The following DNTTIP2 variants were observed in gnomAD, a reference collection of about 807,000 sequenced individuals.
DNTTIP2 encodes the protein deoxynucleotidyltransferase terminal-interacting protein 2.
DNTTIP2 carries 47 observed loss-of-function variants against 62.4 expected under a neutral mutation model. The observed-to-expected ratio is 0.75, with a 90% confidence interval of 0.60 to 0.96. DNTTIP2 has a LOEUF of 0.96. DNTTIP2 is among the 40% of genes least tolerant of loss of function. DNTTIP2 has a pLI of 0.00. For synonymous variants in DNTTIP2, 322 were observed against 300.9 expected (o/e 1.07, Z -0.73); for missense variants, 870 against 849.1 (o/e 1.02, Z -0.31).
At position 93,876,197 on chromosome 1, in the gene DNTTIP2, A is replaced by C. The variant is rs1043395656; in HGVS notation, c.1667+71T>G. On this transcript the variant is annotated intron_variant, in intron 2 of 6. Coordinates refer to ENST00000436063, the MANE Select transcript of DNTTIP2 (RefSeq NM_014597.5). ...TTCTCATTCCCCAGGCTAACATTTC[A>C]TATTTTTATGGTAAATTAACCACTT... The C allele has an allele frequency of 1.3e-5, 18 of 1,349,442 alleles. No individual in the cohort carries two copies. In the African/African-American group the frequency reaches 2.2e-4, roughly 17 times the overall value. 83.6% of individuals were successfully genotyped at this position (1,349,442 alleles called of 1,614,324 possible).
chr1:93,870,569 A>T, intron 6 of DNTTIP2, 114 bp downstream of exon 6: 1 of 492,700 alleles, frequency 2.0e-6, no homozygotes, highest in Non-Finnish European at 3.5e-6. Flanking sequence ...TATTCATGTT[A>T]ATATGTTATG....
chr1:93,870,586 TATAA>T lies in DNTTIP2; in HGVS notation c.2177+93_2177+96del, dbSNP rs761881995. Reference sequence around the variant, plus strand: ...TTCATGTTAATATGTTATGGGTTATTATAAATGAGTTATTTTTAAATTATTTGAA... The same window carrying T: ...TTCATGTTAATATGTTATGGGTTATTATGAGTTATTTTTAAATTATTTGAA... On this transcript the variant is annotated intron_variant, in intron 6 of 6. Transcript: ENST00000436063. 10 of 595,224 alleles carry T rather than the reference TATAA, an allele frequency of 1.7e-5. No individual in the cohort carries two copies. In the East Asian group the frequency reaches 2.2e-4, roughly 13 times the overall value. 36.9% of individuals were successfully genotyped at this position (595,224 alleles called of 1,614,324 possible). A position where few individuals can be genotyped will look rare whatever the true frequency, so the allele number is the denominator to read the frequency against.
rs1655879044 is a variant in DNTTIP2, at chr1:93,872,189, A to G, written c.1950T>C (p.Ala650=). 1 of 1,613,810 alleles carries G rather than the reference A, an allele frequency of 6.2e-7. No homozygotes were observed. The change falls in exon 5 of 7, where the codon GCT becomes GCC. Residue 650 remains alanine (A), a synonymous_variant. Coordinates refer to ENST00000436063, the MANE Select transcript of DNTTIP2 (RefSeq NM_014597.5). ...TAGDGWFGMK[A]PEMTNELKND... is the part of the protein sequence containing the mutation. ...TTTTCAGTTCATTTGTCATTTCTGG[A>G]GCTTTCATACCAAACCAGCCATCCC... is the stretch of plus-strand genomic sequence containing the variant.
rs1391077412 is a variant in DNTTIP2, at chr1:93,873,208, G to A, written c.1813C>T (p.Gln605Ter). Residue 605 changes from glutamine to a stop codon, truncating the protein, a stop_gained, in exon 4 of 7, where the codon CAG becomes TAG. Transcript: ENST00000436063. LOFTEE classifies it high-confidence loss of function. The part of the protein sequence containing the change: ...IKEKKKNELL[Q>*]KAVITPDFEK... The stretch of plus-strand genomic sequence containing the variant: ...AAATCAGGTGTAATGACGGCTTTCT[G>A]CAGAAGCTATAAAAACATAAAATTG... 2.5e-6 allele frequency: 4 copies of A among 1,607,744 alleles called. No homozygotes were observed. Among genetic ancestry groups the A allele is most frequent in the Non-Finnish European group, 3.4e-6 (4 of 1,175,544 alleles).
At chr1:93,873,308 C>A in intron 3 of DNTTIP2, 94 bp from the exon 4 acceptor site, 3 of 981,442 alleles carry the variant, frequency 3.1e-6, no homozygotes, top group Non-Finnish European at 4.6e-6. Context: ...AATTTTTAGT[C>A]AGCCTGGCAA....
At chr1:93,872,441 T>C (rs1655890858) in intron 4 of DNTTIP2, among the ~76,000 whole-genome samples, 1 of 152,208 alleles carries the variant, frequency 6.6e-6, no homozygotes, top group African/African-American at 2.4e-5. Flanking sequence ...GACAGGATTA[T>C]CAGTTTCATA....
Position 93,869,720 on chromosome 1 carries a change from CA to C in DNTTIP2, c.*130del, listed in dbSNP as rs1321419835. 1.7e-6 allele frequency: 1 copy of C among 594,120 alleles called. No homozygotes were observed. Among genetic ancestry groups the C allele is most frequent in the Non-Finnish European group, 3.1e-6 (1 of 324,894 alleles). 36.8% of individuals were successfully genotyped at this position (594,120 alleles called of 1,614,324 possible). ...AATCGATTCTCAAATCAACTTTTTC[CA>C]AATACAAATTCCTGTATGAACAGGG... On this transcript the variant is annotated 3_prime_UTR_variant, in exon 7 of 7. Coordinates refer to ENST00000436063, the MANE Select transcript of DNTTIP2 (RefSeq NM_014597.5).
intron 1 of DNTTIP2, 142 bp downstream of exon 1, chr1:93,878,935 G>C (rs984556911): frequency 1.9e-6 from 2 of 1,050,448 alleles, no homozygotes; most frequent in African/African-American, 3.2e-5. Flanking sequence ...CTTAGCACGG[G>C]GCCTGGGAGA....
chr1:93,872,230 G>T lies in DNTTIP2; in HGVS notation c.1909C>A (p.Arg637=), dbSNP rs780751546. ...CAGCCATCCCCTGCTGTTTTTTGTC[G>T]TTCTTTCTGAAATTATGATTTCAAA... is the stretch of plus-strand genomic sequence containing the variant. ...YQLQKKRRKE[R]QKTAGDGWFG... Residue 637 remains arginine (R), a synonymous_variant, in exon 5 of 7, where the codon CGA becomes AGA. Coordinates refer to ENST00000436063, the MANE Select transcript of DNTTIP2 (RefSeq NM_014597.5). The T allele has an allele frequency of 1.2e-6, 2 of 1,612,358 alleles. No individual in the cohort carries two copies. The highest frequency in any genetic ancestry group is 1.7e-4 in the Middle Eastern group (1 of 6,060).
In DNTTIP2 at chr1:93,877,600, A is replaced by G; in HGVS notation, c.335T>C (p.Ile112Thr). The G allele has an allele frequency of 6.2e-7, 1 of 1,613,994 alleles. No individual in the cohort carries two copies. The highest frequency in any genetic ancestry group is 2.2e-5 in the East Asian group (1 of 44,876). Residue 112 changes from isoleucine (I) to threonine (T), a missense_variant, in exon 2 of 7, where the codon ATC (isoleucine) becomes ACC (threonine). Transcript: ENST00000436063. ...TILRVTRRRQ[I>T]LIACSPVSSV... ...GGACACTGGGGAGCATGCAATTAAG[A>G]TCTGCCTTCTCCTAGTTACCCTTAA... is the stretch of plus-strand genomic sequence containing the variant.
chr1:93,878,813 G>A (rs1422848960), intron 1 of DNTTIP2: 2 of 448,020 alleles, frequency 4.5e-6, no homozygotes, highest in South Asian at 3.4e-5. Context: ...AGTTCGAACT[G>A]TGCTTCTGCA....
rs907740483 is a variant in DNTTIP2, at chr1:93,866,554, T to A, written c.*3297A>T. 2 of 152,220 alleles carry A rather than the reference T, an allele frequency of 1.3e-5. No individual in the cohort carries two copies. The highest frequency in any genetic ancestry group is 2.9e-5 in the Non-Finnish European group (2 of 68,030). The allele number at this position is 152,220 out of a possible 1,614,324, so 9.4% of individuals were successfully genotyped here. ...TAACTTTTTTTTCCCATTATGGTAT[T>A]TTCTTTAACTTGCTGTTTCTAAGAA... On this transcript the variant is annotated 3_prime_UTR_variant, in exon 7 of 7. Transcript: ENST00000436063.
At chr1:93,874,601 G>A (rs1438090202) in intron 3 of DNTTIP2, among the ~76,000 whole-genome samples, 1 of 152,162 alleles carries the variant, frequency 6.6e-6, no homozygotes, top group Non-Finnish European at 1.5e-5. Flanking sequence ...GCTGGGTGGG[G>A]TAGAGAGGTA....
Position 93,867,008 on chromosome 1 carries a change from G to A in DNTTIP2, c.*2843C>T, listed in dbSNP as rs1428696301. On this transcript the variant is annotated 3_prime_UTR_variant, in exon 7 of 7. Transcript: ENST00000436063. The stretch of plus-strand genomic sequence containing the variant: ...AAAATACAAAAATTAGCCGGGTGTG[G>A]TGGTGGGTGCCTGTTAATCCCAGGT... 1.3e-5 allele frequency: 2 copies of A among 152,142 alleles called. No individual in the cohort carries two copies. Among genetic ancestry groups the A allele is most frequent in the African/African-American group, 4.8e-5 (2 of 41,374 alleles). The allele number at this position is 152,142 out of a possible 1,614,324, so 9.4% of individuals were successfully genotyped here.
intron 6 of DNTTIP2, among the ~76,000 whole-genome samples, chr1:93,870,249 C>A (rs1333234272): frequency 6.6e-6 from 1 of 152,052 alleles, no homozygotes; most frequent in Non-Finnish European, 1.5e-5. Context: ...AAAATCAGGA[C>A]TAAGCAAAAC....
rs751488629 is a variant in DNTTIP2 at position 93,878,103 on chromosome 1, G to C, written c.73-241C>G. On this transcript the variant is annotated intron_variant, in intron 1 of 6. Transcript: ENST00000436063. Reference sequence around the variant, plus strand: ...AGGTGGATCACGAGGTCAGGAGTTCGAGACAGCTTGGCCAACATAGTGAAA... The same window carrying C: ...AGGTGGATCACGAGGTCAGGAGTTCCAGACAGCTTGGCCAACATAGTGAAA... Among the ~76,000 whole-genome samples, 5 of 152,172 alleles carry C rather than the reference G, an allele frequency of 3.3e-5. No homozygotes were observed. The East Asian group carries it at 7.7e-4, about 24-fold the overall frequency.
At chr1:93,872,051 A>T (rs1435988270) in intron 5 of DNTTIP2, 21 bp downstream of exon 5, 20 of 1,612,896 alleles carry the variant, frequency 1.2e-5, no homozygotes, top group Non-Finnish European at 1.5e-5. Flanking sequence ...GATCATCACC[A>T]CTATTCTGTT....
In DNTTIP2 at chr1:93,876,654, G is replaced by A. The variant is rs758668261; in HGVS notation, c.1281C>T (p.Tyr427=). 3.7e-6 allele frequency: 6 copies of A among 1,614,024 alleles called. No homozygotes were observed. In the South Asian group the frequency reaches 5.5e-5, roughly 15 times the overall value. Residue 427 remains tyrosine, a synonymous_variant, in exon 2 of 7, where the codon TAC becomes TAT. Coordinates refer to ENST00000436063, the MANE Select transcript of DNTTIP2 (RefSeq NM_014597.5). ...NVDFECDTKL[Y]TSAPNTSQGK... is the part of the protein sequence containing the mutation. ...CCTGAGATGTGTTGGGCGCAGACGT[G>A]TATAGTTTGGTATCACATTCAAAAT...
chr1:93,876,194 T>C (rs1655997642), intron 2 of DNTTIP2, 74 bp downstream of exon 2: 1 of 1,169,760 alleles, frequency 8.5e-7, no homozygotes, highest in East Asian at 2.9e-5. Flanking sequence ...AGGCTAACAT[T>C]TCATATTTTT....
Sources: allele counts gnomAD v4.1 joint callset (sites outside exome capture counted in the v4.1 genomes callset), GRCh38; gene constraint gnomAD v4.1.1; transcripts MANE v1.5; gene names NCBI Gene and HGNC (gene_info 2026-07-23, HGNC 2026-07-21).